FAM135A: variants seen among roughly 807,000 people sequenced by gnomAD.
FAM135A encodes family with sequence similarity 135 member A.
Under a neutral mutation model 146.8 loss-of-function variants are expected in FAM135A, and 79 were observed. The ratio of observed to expected loss-of-function variants is 0.54; its 90% CI spans 0.45 to 0.65. FAM135A has a LOEUF of 0.65. FAM135A is among the 30% of genes least tolerant of loss of function. The pLI is 0.00. For missense variants in FAM135A, 1,623 were observed against 1,758.2 expected (o/e 0.92, Z 1.38); for synonymous variants, 562 against 603.6 (o/e 0.93, Z 1.01).
intron 18 of FAM135A, among the ~76,000 whole-genome samples, chr6:70,534,204 A>G (rs1490482440): frequency 6.6e-6 from 1 of 151,914 alleles, no homozygotes; most frequent in Non-Finnish European, 1.5e-5. Flanking sequence ...ATTGAATTGT[A>G]CACTTTAAGT....
chr6:70,470,103 G>A (rs1253286755), intron 5 of FAM135A, among the ~76,000 whole-genome samples: 1 of 152,128 alleles, frequency 6.6e-6, no homozygotes, highest in Non-Finnish European at 1.5e-5. Context: ...AGTAAGATGA[G>A]GTTTGAGAGT....
intron 16 of FAM135A, among the ~76,000 whole-genome samples, chr6:70,531,391 A>G (rs939180869): frequency 6.6e-6 from 1 of 152,170 alleles, no homozygotes; most frequent in Non-Finnish European, 1.5e-5. Context: ...TCCTCTTACA[A>G]TTCTTTGAAG....
At chr6:70,465,554 A>C (rs1390448386) in intron 5 of FAM135A, among the ~76,000 whole-genome samples, 1 of 152,126 alleles carries the variant, frequency 6.6e-6, no homozygotes, top group East Asian at 1.9e-4. Flanking sequence ...TGAGTCACAT[A>C]TGTTTTGTAC....
Position 70,557,181 on chromosome 6 carries a change from C to T in FAM135A, c.4342+318C>T, listed in dbSNP as rs889752155. 11 of 410,886 alleles carry T rather than the reference C, an allele frequency of 2.7e-5. No homozygotes were observed. The East Asian group carries it at 3.5e-4, about 13-fold the overall frequency. The allele number at this position is 410,886 out of a possible 1,614,324, so 25.5% of individuals were successfully genotyped here. ...CCTTGTCATATGTTCTGCTGTACCT[C>T]GCTTTTACGCAAAGGTGGCAGCAAG... On this transcript the variant is annotated intron_variant, in intron 21 of 21. Transcript: ENST00000418814.
rs373459079 is a variant in FAM135A at position 70,538,036 on chromosome 6, G to C, written c.4118-255G>C. Among the ~76,000 whole-genome samples, 6 of 152,216 alleles carry C rather than the reference G, an allele frequency of 3.9e-5. No individual in the cohort carries two copies. The East Asian group carries it at 7.7e-4, about 20-fold the overall frequency. ...GTTTGTTCTTCATATGCTATTATCT[G>C]TTTCATTACTGAATGAAATAGAAAT... On this transcript the variant is annotated intron_variant, in intron 19 of 21. Coordinates refer to ENST00000418814, the MANE Select transcript of FAM135A (RefSeq NM_001162529.3).
Position 70,533,732 on chromosome 6 carries a change from TG to T in FAM135A, c.3868-24del, listed in dbSNP as rs529242463. ...TGATTATACATATTCCCAAATATAA[TG>T]TATGTGCTTTGCTTTCTTTTTAGAA... On this transcript the variant is annotated intron_variant, in intron 17 of 21. Coordinates refer to ENST00000418814, the MANE Select transcript of FAM135A (RefSeq NM_001162529.3). The T allele has an allele frequency of 2.3e-4, 308 of 1,347,218 alleles. 3 individuals are homozygous for T. In the East Asian group the frequency reaches 6.9e-3, roughly 30 times the overall value. The allele number at this position is 1,347,218 out of a possible 1,614,324, so 83.5% of individuals were successfully genotyped here. A position where few individuals can be genotyped will look rare whatever the true frequency, so the allele number is the denominator to read the frequency against.
chr6:70,501,439 G>T (rs1159164003), intron 11 of FAM135A, among the ~76,000 whole-genome samples: 1 of 152,208 alleles, frequency 6.6e-6, no homozygotes. Flanking sequence ...CTCCGTGGGA[G>T]AGGGACCCGC....
rs1000002185 is a variant in FAM135A at position 70,560,959 on chromosome 6, G to A, written c.*1038G>A. 6.6e-6 allele frequency: 1 copy of A among 152,532 alleles called. No individual in the cohort carries two copies. Among genetic ancestry groups the A allele is most frequent in the Non-Finnish European group, 1.5e-5 (1 of 67,982 alleles). The allele number at this position is 152,532 out of a possible 1,614,324, so 9.4% of individuals were successfully genotyped here. On this transcript the variant is annotated 3_prime_UTR_variant, in exon 22 of 22. Coordinates refer to ENST00000418814, the MANE Select transcript of FAM135A (RefSeq NM_001162529.3). Reference sequence around the variant, plus strand: ...GTCTTTTGACTTTACTAAAGGTGCTGAATAGCATTAAATTCACTATTTTCC... The same window carrying A: ...GTCTTTTGACTTTACTAAAGGTGCTAAATAGCATTAAATTCACTATTTTCC...
rs1794572914 is a variant in FAM135A at position 70,525,774 on chromosome 6, T to C, written c.2690T>C (p.Val897Ala). 6.2e-7 allele frequency: 1 copy of C among 1,613,400 alleles called. No homozygotes were observed. The highest frequency in any genetic ancestry group is 1.1e-5 in the South Asian group (1 of 91,008). Residue 897 changes from valine to alanine, a missense_variant, in exon 15 of 22, where the codon GTT becomes GCT. By Grantham distance (64) the Val-to-Ala change is moderately conservative. Around this residue, in one of 7 missense-constraint regions of FAM135A, gnomAD observed 1,061 missense variants for 1,113.8 expected, o/e 0.95. Transcript: ENST00000418814. ...KSSITLQQQSVVFSGNLDNET... is the reference protein window; with the variant it reads ...KSSITLQQQSAVFSGNLDNET... ...AGTATCACTTTGCAACAGCAGAGTG[T>C]TGTATTTTCAGGGAACTTGGACAAT...
chr6:70,472,819 A>G (rs1379497812), intron 5 of FAM135A, among the ~76,000 whole-genome samples: 1 of 152,108 alleles, frequency 6.6e-6, no homozygotes, highest in African/African-American at 2.4e-5. Context: ...GATTAGATTC[A>G]TTTTATGTGT....
chr6:70,538,356 T>C lies in FAM135A; in HGVS notation c.4183T>C (p.Ser1395Pro). The stretch of plus-strand genomic sequence containing the variant: ...TTTGCAGCTGACATGTCGAGATCAC[T>C]CAGACCCTCGCCAAACTTTTTTATA... ...SLLQLTCRDHSDPRQTFLYKL... is the reference protein window; with the variant it reads ...SLLQLTCRDHPDPRQTFLYKL... Residue 1395 changes from serine to proline, a missense_variant, in exon 20 of 22, where the codon TCA becomes CCA. Around this residue, in one of 7 missense-constraint regions of FAM135A, gnomAD observed 138 missense variants for 174.1 expected, o/e 0.79. Coordinates refer to ENST00000418814, the MANE Select transcript of FAM135A (RefSeq NM_001162529.3). The C allele has an allele frequency of 1.3e-6, 2 of 1,523,236 alleles. No individual in the cohort carries two copies. The highest frequency in any genetic ancestry group is 2.7e-5 in the African/African-American group (2 of 72,920). 94.4% of individuals were successfully genotyped at this position (1,523,236 alleles called of 1,614,324 possible). A position where few individuals can be genotyped will look rare whatever the true frequency, so the allele number is the denominator to read the frequency against.
rs117638613 is a variant in FAM135A at position 70,545,763 on chromosome 6, C to T, written c.4228+7362C>T. On this transcript the variant is annotated intron_variant, in intron 20 of 21. Transcript: ENST00000418814. ...AACACATACATATTAGCTTATTTAA[C>T]CCTCTAGGGTAGGAATATTGTCCCC... 3.0e-3 allele frequency among the ~76,000 whole-genome samples: 458 copies of T among 152,248 alleles called. 3 individuals are homozygous for T. Among genetic ancestry groups the T allele is most frequent in the African/African-American group, 0.011 (437 of 41,562 alleles).
At chr6:70,433,076 A>AC in intron 4 of FAM135A, among the ~76,000 whole-genome samples, 1 of 149,630 alleles carries the variant, frequency 6.7e-6, no homozygotes, top group Non-Finnish European at 1.5e-5. Flanking sequence ...AAATCAAGAT[A>AC]CTTTTTTTTT....
At chr6:70,535,354 G>T (rs993466025) in intron 18 of FAM135A, among the ~76,000 whole-genome samples, 4 of 152,066 alleles carry the variant, frequency 2.6e-5, no homozygotes, top group African/African-American at 7.2e-5. Context: ...TAAACCAGGG[G>T]TCCCCAAACC....
intron 8 of FAM135A, among the ~76,000 whole-genome samples, chr6:70,480,316 A>G (rs541545389): frequency 6.6e-6 from 1 of 152,166 alleles, no homozygotes; most frequent in Non-Finnish European, 1.5e-5. Context: ...TACAAAAAAT[A>G]AAAATTAGCC....
chr6:70,545,639 C>G (rs1469443517), intron 20 of FAM135A, among the ~76,000 whole-genome samples: 2 of 152,060 alleles, frequency 1.3e-5, no homozygotes, highest in Non-Finnish European at 2.9e-5. Flanking sequence ...GTACCATTTT[C>G]TAGTAATTGT....
chr6:70,540,745 C>G (rs1349223375), intron 20 of FAM135A, among the ~76,000 whole-genome samples: 4 of 152,124 alleles, frequency 2.6e-5, no homozygotes, highest in Non-Finnish European at 5.9e-5. Flanking sequence ...TTTTTCTATC[C>G]TAGTCATCTT....
chr6:70,419,514 A>C (rs1462389041), intron 2 of FAM135A, among the ~76,000 whole-genome samples: 1 of 152,220 alleles, frequency 6.6e-6, no homozygotes, highest in Admixed American at 6.5e-5. Flanking sequence ...ACCTAGTATT[A>C]AATGTACTGC....
Position 70,525,873 on chromosome 6 carries a change from C to T in FAM135A, c.2789C>T (p.Thr930Ile), listed in dbSNP as rs779798364. 3.7e-6 allele frequency: 6 copies of T among 1,612,384 alleles called. No homozygotes were observed. The South Asian group carries it at 6.6e-5, about 18-fold the overall frequency. The change falls in exon 15 of 22, where the codon ACT becomes ATT. Residue 930 changes from threonine (T) to isoleucine (I), a missense_variant. By Grantham distance (89) the Thr-to-Ile change is moderately conservative. Around this residue, in one of 7 missense-constraint regions of FAM135A, gnomAD observed 1,061 missense variants for 1,113.8 expected, o/e 0.95. Transcript: ENST00000418814. ...CAATTTGTTTTTTCAGATGAAGAGACTTCCAGTGATGTGAAAAGTAGTTGC... is the reference window on the plus strand; with the variant it reads ...CAATTTGTTTTTTCAGATGAAGAGATTTCCAGTGATGTGAAAAGTAGTTGC... ...PLQFVFSDEE[T>I]SSDVKSSCSS...
Sources: gnomAD v4.1 joint callset for allele counts (sites outside exome capture counted in the v4.1 genomes callset) on GRCh38, gnomAD v4.1.1 for gene constraint, gnomAD v4.1.1 regional missense constraint, MANE v1.5 for transcripts, NCBI Gene and HGNC (gene_info 2026-07-23, HGNC 2026-07-21) for gene names.